The following CLIP1 variants were observed in gnomAD, a reference collection of about 807,000 sequenced individuals.
The protein encoded by CLIP1 is CAP-Gly domain-containing linker protein 1.
Under a neutral mutation model 161.6 loss-of-function variants are expected in CLIP1, and 66 were observed. The ratio of observed to expected loss-of-function variants is 0.41; its 90% CI spans 0.33 to 0.50. The LOEUF is 0.50. Among genes scored for constraint, CLIP1 ranks in the 20% least tolerant of loss-of-function variants. CLIP1 has a pLI of 0.27. For synonymous variants in CLIP1, 598 were observed against 626.2 expected (o/e 0.96, Z 0.67); for missense variants, 1,376 against 1,702.0 (o/e 0.81, Z 3.37).
intron 20 of CLIP1, among the ~76,000 whole-genome samples, chr12:122,306,868 C>G (rs73404029): frequency 0.025 from 3,783 of 152,058 alleles, 101 homozygotes; most frequent in South Asian, 0.068. Context: ...AAATCTTGAA[C>G]AATAATCATG....
chr12:122,321,799 G>A (rs1030766855), intron 17 of CLIP1, among the ~76,000 whole-genome samples: 5 of 152,194 alleles, frequency 3.3e-5, no homozygotes, highest in East Asian at 1.9e-4. Flanking sequence ...GATTACAGGC[G>A]TGAGCCACTG....
chr12:122,419,138 A>C (rs1282216826), intron 1 of CLIP1, among the ~76,000 whole-genome samples: 2 of 152,166 alleles, frequency 1.3e-5, no homozygotes, highest in African/African-American at 2.4e-5. Flanking sequence ...TGGGAGGCCA[A>C]AGCAGGTGGA....
chr12:122,333,723 C>T (rs1253180135), intron 14 of CLIP1, among the ~76,000 whole-genome samples: 2 of 152,208 alleles, frequency 1.3e-5, no homozygotes, highest in African/African-American at 2.4e-5. Flanking sequence ...GCACAGGCAG[C>T]AGCAGTGAGC....
In CLIP1 at chr12:122,340,725, GA is replaced by G. The variant is rs1363395664; in HGVS notation, c.2451+27del. The G allele has an allele frequency of 2.0e-6, 3 of 1,487,948 alleles. No homozygotes were observed. The African/African-American group carries it at 4.2e-5, about 21-fold the overall frequency. 92.2% of individuals were successfully genotyped at this position (1,487,948 alleles called of 1,614,324 possible). On this transcript the variant is annotated intron_variant, in intron 11 of 25. Coordinates refer to ENST00000620786, the MANE Select transcript of CLIP1 (RefSeq NM_001247997.2). ...CAAAACAAGAATAACAAATGGAAAA[GA>G]AAAGAATGGAGGATGTCAATACAAA...
chr12:122,298,929 T>C (rs1276427661), intron 20 of CLIP1, among the ~76,000 whole-genome samples: 1 of 152,146 alleles, frequency 6.6e-6, no homozygotes, highest in Non-Finnish European at 1.5e-5. Context: ...CACTCCAGCC[T>C]GGCAACAGGG....
intron 11 of CLIP1, among the ~76,000 whole-genome samples, chr12:122,336,962 G>GTTTTTTT (rs11433673): frequency 2.1e-5 from 3 of 144,324 alleles, no homozygotes; most frequent in Admixed American, 7.0e-5. Flanking sequence ...CTATTTTTGT[G>GTTTTTTT]TTTTTTTTTT....
chr12:122,389,486 C>A (rs964918846), intron 1 of CLIP1, among the ~76,000 whole-genome samples: 1 of 151,952 alleles, frequency 6.6e-6, no homozygotes, highest in Non-Finnish European at 1.5e-5. Flanking sequence ...GGGCCGGGTG[C>A]GGTGGCTCAC....
At chr12:122,369,048 T>C (rs1954304627) in intron 3 of CLIP1, among the ~76,000 whole-genome samples, 1 of 151,956 alleles carries the variant, frequency 6.6e-6, no homozygotes, top group South Asian at 2.1e-4. Flanking sequence ...AGACGGAGTT[T>C]CGCTCTGTCG....
intron 21 of CLIP1, among the ~76,000 whole-genome samples, chr12:122,285,766 CG>C (rs1014568415): frequency 1.3e-4 from 19 of 151,978 alleles, no homozygotes; most frequent in African/African-American, 4.6e-4. Flanking sequence ...CATGAACCAC[CG>C]TGCCAGGCCA....
At chr12:122,321,205 A>T (rs1418650135) in intron 17 of CLIP1, among the ~76,000 whole-genome samples, 1 of 151,956 alleles carries the variant, frequency 6.6e-6, no homozygotes, top group East Asian at 1.9e-4. Flanking sequence ...TTAAAAGCCA[A>T]ACAGAAGACT....
chr12:122,289,429 A>T (rs1956002979), intron 20 of CLIP1, among the ~76,000 whole-genome samples: 1 of 151,846 alleles, frequency 6.6e-6, no homozygotes, highest in Admixed American at 6.6e-5. Flanking sequence ...AAAAAAAAAA[A>T]TTGTTAAATG....
intron 3 of CLIP1, 59 bp downstream of exon 3, chr12:122,377,330 A>C (rs1281410494): frequency 6.8e-7 from 1 of 1,469,182 alleles, no homozygotes; most frequent in Non-Finnish European, 9.4e-7. Flanking sequence ...TATTTCAACC[A>C]CTCACTGGTG....
intron 3 of CLIP1, among the ~76,000 whole-genome samples, chr12:122,370,948 ACT>A: frequency 7.5e-6 from 1 of 133,264 alleles, no homozygotes; most frequent in South Asian, 2.4e-4. Flanking sequence ...ACAGAGCAGG[ACT>A]CTGTCTCAAA....
chr12:122,278,346 T>A, intron 23 of CLIP1, 143 bp from the exon 24 acceptor site: 2 of 760,650 alleles, frequency 2.6e-6, no homozygotes, highest in Non-Finnish European at 4.4e-6. Flanking sequence ...TTTCAGCACA[T>A]GTGGATGAGT....
rs1027322037 is a variant in CLIP1, at chr12:122,417,448, G to A, written c.-107+5073C>T. Among the ~76,000 whole-genome samples, 50 of 151,554 alleles carry A rather than the reference G, an allele frequency of 3.3e-4. 1 individual carries two copies. The highest frequency in any genetic ancestry group is 6.6e-5 in the Admixed American group (1 of 15,200). On this transcript the variant is annotated intron_variant, in intron 1 of 25. Transcript: ENST00000620786. Reference sequence around the variant, plus strand: ...GCCACTGCACTCCAGCCTGGTGACCGAGTGAGACTCTGTCTCTAAAAAACA... The same window carrying A: ...GCCACTGCACTCCAGCCTGGTGACCAAGTGAGACTCTGTCTCTAAAAAACA...
chr12:122,352,642 G>T (rs1434780132), intron 8 of CLIP1, 84 bp downstream of exon 8: 2 of 1,243,720 alleles, frequency 1.6e-6, no homozygotes, highest in Non-Finnish European at 2.4e-6. Context: ...TGTTCTGGCC[G>T]CTCATTTCAA....
At chr12:122,391,596 A>T (rs1955666379) in intron 1 of CLIP1, among the ~76,000 whole-genome samples, 1 of 152,092 alleles carries the variant, frequency 6.6e-6, no homozygotes, top group Non-Finnish European at 1.5e-5. Context: ...CAAAAAGAAA[A>T]TAATAAATAA....
intron 20 of CLIP1, among the ~76,000 whole-genome samples, chr12:122,299,612 C>CAAAAAGAAAAAAAAAAA (rs1950601164): frequency 1.6e-5 from 1 of 62,500 alleles, no homozygotes; most frequent in Non-Finnish European, 2.9e-5. Context: ...ATAAATTCAG[C>CAAAAAGAAAAAAAAAAA]AAAAAAAAAA....
At chr12:122,390,111 T>C (rs539607793) in intron 1 of CLIP1, among the ~76,000 whole-genome samples, 258 of 145,328 alleles carry the variant, frequency 1.8e-3, no homozygotes, top group African/African-American at 6.2e-3. Context: ...CTATGCTTCC[T>C]CTCCAGGCTG....
Sources: gnomAD v4.1 joint callset for allele counts (sites outside exome capture counted in the v4.1 genomes callset) on GRCh38, gnomAD v4.1.1 for gene constraint, MANE v1.5 for transcripts, NCBI Gene and HGNC (gene_info 2026-07-23, HGNC 2026-07-21) for gene names.